PDE10A: variants seen among roughly 807,000 people sequenced by gnomAD.
PDE10A encodes the protein cAMP and cAMP-inhibited cGMP 3',5'-cyclic phosphodiesterase 10A.
Under a neutral mutation model 97.7 loss-of-function variants are expected in PDE10A, and 39 were observed. The observed-to-expected ratio is 0.40, with a 90% CI of 0.31 to 0.52. The LOEUF is 0.52. Ranked by LOEUF, PDE10A falls within the 20% of genes least tolerant of loss-of-function variation. The pLI is 0.56. For synonymous variants in PDE10A, 371 were observed against 376.8 expected (o/e 0.98, Z 0.18); for missense variants, 731 against 1,047.8 (o/e 0.70, Z 4.17).
At chr6:165,442,857 G>A (rs1033997458) in intron 5 of PDE10A, among the ~76,000 whole-genome samples, 6 of 152,052 alleles carry the variant, frequency 3.9e-5, no homozygotes, top group African/African-American at 1.2e-4. Context: ...GGTGGCTCAC[G>A]CTTGTAATGG....
rs370905334 is a variant in PDE10A, at chr6:165,373,558, A to G, written c.2783+5636T>C. Among the ~76,000 whole-genome samples the G allele has an allele frequency of 5.9e-5, 9 of 152,152 alleles. No individual in the cohort carries two copies. The South Asian group carries it at 1.7e-3, about 28-fold the overall frequency. ...ACCATCTCACACCAGTTAGAATGGCAATCATCAAAAAGTCAGGAAACAACA... is the reference window on the plus strand; with the variant it reads ...ACCATCTCACACCAGTTAGAATGGCGATCATCAAAAAGTCAGGAAACAACA... On this transcript the variant is annotated intron_variant, in intron 18 of 21. Transcript: ENST00000539869.
In PDE10A at chr6:165,740,770, G is replaced by A. The variant is rs181385284; in HGVS notation, c.-614-197202C>T. On this transcript the variant is annotated intron_variant, in intron 1 of 19. Coordinates refer to the PDE10A transcript ENST00000366882. ...AAATACTGCATGACCTCACTTACAC[G>A]TAGAATCTTAAAAAGTCAATCTCAT... is the stretch of plus-strand genomic sequence containing the variant. Among the ~76,000 whole-genome samples the A allele has an allele frequency of 1.8e-3, 276 of 152,238 alleles. 1 individual carries two copies. Among genetic ancestry groups the A allele is most frequent in the African/African-American group, 6.1e-3 (254 of 41,558 alleles).
At chr6:165,550,756 G>C (rs1436605754) in intron 1 of PDE10A, among the ~76,000 whole-genome samples, 5 of 152,116 alleles carry the variant, frequency 3.3e-5, no homozygotes, top group African/African-American at 1.2e-4. Context: ...GAATGTTTAG[G>C]AAACAAGGCT....
intron 1 of PDE10A, among the ~76,000 whole-genome samples, chr6:165,546,344 T>C (rs1783738153): frequency 6.6e-6 from 1 of 151,990 alleles, no homozygotes; most frequent in Non-Finnish European, 1.5e-5. Flanking sequence ...TAACGATGAA[T>C]ACATGACACT....
At chr6:165,799,029 T>C (rs1364680955) in intron 1 of PDE10A, among the ~76,000 whole-genome samples, 1 of 152,168 alleles carries the variant, frequency 6.6e-6, no homozygotes, top group Non-Finnish European at 1.5e-5. Flanking sequence ...CTAAGAGGTA[T>C]TTAATACAAA....
chr6:165,896,802 G>A (rs1374854313), intron 1 of PDE10A, among the ~76,000 whole-genome samples: 3 of 152,066 alleles, frequency 2.0e-5, no homozygotes, highest in Non-Finnish European at 4.4e-5. Context: ...GGGATTACAT[G>A]CGTGAGCCAC....
intron 1 of PDE10A, among the ~76,000 whole-genome samples, chr6:165,659,178 A>G (rs1790111243): frequency 6.6e-6 from 1 of 152,132 alleles, no homozygotes; most frequent in Non-Finnish European, 1.5e-5. Context: ...TTTGCTTTCG[A>G]TGGTAATAAA....
intron 1 of PDE10A, among the ~76,000 whole-genome samples, chr6:165,626,143 C>G (rs1249324491): frequency 1.3e-5 from 2 of 152,148 alleles, no homozygotes; most frequent in African/African-American, 4.8e-5. Flanking sequence ...AGGGTGCAGC[C>G]AGCTTCATCA....
chr6:165,723,782 A>G (rs559620429), intron 1 of PDE10A, among the ~76,000 whole-genome samples: 27 of 152,278 alleles, frequency 1.8e-4, no homozygotes, highest in Middle Eastern at 3.4e-3. Context: ...GTTGCCTCCA[A>G]TTGGATACCT....
At chr6:165,605,003 C>T (rs1031176733) in intron 1 of PDE10A, among the ~76,000 whole-genome samples, 1 of 152,200 alleles carries the variant, frequency 6.6e-6, no homozygotes, top group Non-Finnish European at 1.5e-5. Flanking sequence ...CCAGTCACCA[C>T]ATTAGAAGTG....
intron 1 of PDE10A, among the ~76,000 whole-genome samples, chr6:165,903,832 C>A (rs773120838): frequency 6.6e-6 from 1 of 152,012 alleles, no homozygotes; most frequent in African/African-American, 2.4e-5. Context: ...TCCTAGGAAC[C>A]AAGGGAAGAG....
At chr6:165,446,858 G>GCCC (rs1746270521) in intron 5 of PDE10A, among the ~76,000 whole-genome samples, 2 of 152,120 alleles carry the variant, frequency 1.3e-5, no homozygotes, top group African/African-American at 4.8e-5. Context: ...CCCCTAGAGA[G>GCCC]AAGCATGCCC....
chr6:165,954,028 C>T (rs1389326864), intron 1 of PDE10A, among the ~76,000 whole-genome samples: 1 of 152,170 alleles, frequency 6.6e-6, no homozygotes, highest in Non-Finnish European at 1.5e-5. Context: ...CAGATTGCTT[C>T]TTTCACTAAG....
chr6:165,626,654 T>C (rs1788400947), intron 1 of PDE10A, among the ~76,000 whole-genome samples: 1 of 152,190 alleles, frequency 6.6e-6, no homozygotes, highest in African/African-American at 2.4e-5. Context: ...TTTCTTACCA[T>C]TCAGGATTAA....
rs375340074 is a variant in PDE10A at position 165,526,212 on chromosome 6, G to C, written c.994+17228C>G. On this transcript the variant is annotated intron_variant, in intron 2 of 21. Coordinates refer to ENST00000539869, the MANE Select transcript of PDE10A (RefSeq NM_001385079.1). ...TGGACACTGGCTCTGAGCTGATGTTGATTCCAGGGGACTCAAACATCATTG... is the reference window on the plus strand; with the variant it reads ...TGGACACTGGCTCTGAGCTGATGTTCATTCCAGGGGACTCAAACATCATTG... 7.9e-5 allele frequency among the ~76,000 whole-genome samples: 12 copies of C among 152,302 alleles called. No individual in the cohort carries two copies. The East Asian group carries it at 1.4e-3, about 17-fold the overall frequency.
At chr6:165,339,102 G>T (rs1469607729) in intron 20 of PDE10A, among the ~76,000 whole-genome samples, 176 bp downstream of exon 20, 1 of 152,122 alleles carries the variant, frequency 6.6e-6, no homozygotes, top group African/African-American at 2.4e-5. Context: ...TCTTTTTCTA[G>T]TTCTCAATCT....
intron 1 of PDE10A, among the ~76,000 whole-genome samples, chr6:165,689,035 C>T (rs1226493891): frequency 6.6e-6 from 1 of 152,212 alleles, no homozygotes; most frequent in African/African-American, 2.4e-5. Context: ...CAACACCCTC[C>T]ATTGGCACGG....
chr6:165,761,620 G>A (rs1181407229), intron 1 of PDE10A, among the ~76,000 whole-genome samples: 2 of 151,972 alleles, frequency 1.3e-5, no homozygotes, highest in Non-Finnish European at 2.9e-5. Flanking sequence ...AATTGACAAA[G>A]GAGGCTCAAT....
intron 1 of PDE10A, among the ~76,000 whole-genome samples, chr6:165,565,370 T>C (rs1229704834): frequency 6.6e-6 from 1 of 152,084 alleles, no homozygotes. Context: ...AAAAATGAAA[T>C]ACTTGGGTAT....
Sources: gnomAD v4.1 joint callset for allele counts (sites outside exome capture counted in the v4.1 genomes callset) on GRCh38, gnomAD v4.1.1 for gene constraint, MANE v1.5 for transcripts, NCBI Gene and HGNC (gene_info 2026-07-23, HGNC 2026-07-21) for gene names.